The following RTBDN variants were observed in gnomAD, a reference collection of about 807,000 sequenced individuals.
RTBDN encodes the protein retbindin.
Under a neutral mutation model 21.9 loss-of-function variants are expected in RTBDN, and 24 were observed. The ratio of observed to expected loss-of-function variants is 1.10; its 90% CI spans 0.79 to 1.54. The LOEUF is 1.54. RTBDN is among the 40% of genes most tolerant of loss of function. The pLI, the probability that RTBDN is intolerant of heterozygous loss-of-function variation, is 0.00. For missense variants in RTBDN, 325 were observed against 315.2 expected, an observed-to-expected ratio of 1.03 and a Z score of -0.23; for synonymous variants, 141 against 125.9, an observed-to-expected ratio of 1.12 and a Z score of -0.80.
chr19:12,829,103 G>T, intron 2 of RTBDN, 150 bp from the exon 3 acceptor site: 1 of 1,262,526 alleles, frequency 7.9e-7, no homozygotes, highest in Non-Finnish European at 1.1e-6. Flanking sequence ...GAATGCAAAT[G>T]CAGCTTCAAG....
chr19:12,827,344 A>G (rs1287042537), intron 4 of RTBDN, among the ~76,000 whole-genome samples: 9 of 121,682 alleles, frequency 7.4e-5, no homozygotes, highest in African/African-American at 2.9e-4. Flanking sequence ...TTTTTTTGAG[A>G]TGGAGTCCTG....
intron 2 of RTBDN, 121 bp from the exon 3 acceptor site, chr19:12,829,074 A>G: frequency 6.8e-6 from 10 of 1,463,710 alleles, no homozygotes; most frequent in Non-Finnish European, 9.1e-6. Flanking sequence ...CAAACCCATA[A>G]CTTAAGACCC....
At chr19:12,826,673 G>A (rs779712725) in intron 5 of RTBDN, 102 bp downstream of exon 5, 14 of 917,444 alleles carry the variant, frequency 1.5e-5, no homozygotes, top group Non-Finnish European at 1.8e-5. Context: ...CAGCCTGGGT[G>A]ACAAGAATGA....
rs920743583 is a variant in RTBDN, at chr19:12,829,123, T to G, written c.170-170A>C. On this transcript the variant is annotated intron_variant, in intron 2 of 5. Transcript: ENST00000674343. ...CAAATGCAGCTTCAAGTAGTAATAA[T>G]CATTTCTTGTTTATAATAATCAACT... The G allele has an allele frequency of 3.7e-6, 4 of 1,082,702 alleles. No homozygotes were observed. In the African/African-American group the frequency reaches 4.8e-5, roughly 13 times the overall value. 67.1% of individuals were successfully genotyped at this position (1,082,702 alleles called of 1,614,324 possible). A position where few individuals can be genotyped will look rare whatever the true frequency, so the allele number is the denominator to read the frequency against.
At position 12,825,668 on chromosome 19, in the gene RTBDN, G is replaced by A. The variant is rs1348597520; in HGVS notation, c.*38C>T. The A allele has an allele frequency of 6.5e-7, 1 of 1,542,090 alleles. No individual in the cohort carries two copies. Among genetic ancestry groups the A allele is most frequent in the East Asian group, 2.5e-5 (1 of 40,810 alleles). Reference sequence around the variant, plus strand: ...TGGGTGTCCTGAGGGGCGGGGCTGGGGGAAGGGTCGCTCCCCCAACTCAGG... The same window carrying A: ...TGGGTGTCCTGAGGGGCGGGGCTGGAGGAAGGGTCGCTCCCCCAACTCAGG... On this transcript the variant is annotated 3_prime_UTR_variant, in exon 6 of 6. Coordinates refer to ENST00000674343, the MANE Select transcript of RTBDN (RefSeq NM_001270441.2).
intron 2 of RTBDN, 43 bp from the exon 3 acceptor site, chr19:12,828,996 G>A (rs1969444976): frequency 6.2e-7 from 1 of 1,612,228 alleles, no homozygotes; most frequent in Non-Finnish European, 8.5e-7. Flanking sequence ...TGGATATTCA[G>A]GTAAGGTTTG....
At position 12,834,513 on chromosome 19, in the gene RTBDN, T is replaced by A; in HGVS notation, c.-43A>T. 1 of 1,535,610 alleles carries A rather than the reference T, an allele frequency of 6.5e-7. No homozygotes were observed. Among genetic ancestry groups the A allele is most frequent in the Non-Finnish European group, 8.7e-7 (1 of 1,146,666 alleles). On this transcript the variant is annotated 5_prime_UTR_variant, in exon 1 of 6. Transcript: ENST00000674343. The surrounding 1 kb of genome is among the most constrained non-coding windows in gnomAD (Gnocchi z 4.7). ...CCTGCCTGGCCATCAGGATTCTTCC[T>A]ACTGCCCTAATTGGACAGGCACCTA... is the stretch of plus-strand genomic sequence containing the variant.
In RTBDN at chr19:12,826,384, T is replaced by C. The variant is rs746039366; in HGVS notation, c.462+391A>G. On this transcript the variant is annotated intron_variant, in intron 5 of 5. Coordinates refer to ENST00000674343, the MANE Select transcript of RTBDN (RefSeq NM_001270441.2). ...GAGTACCAATCCGGTCTCTGGGGTC[T>C]AGACACGGTAAGAAAGAACTTGGTG... is the stretch of plus-strand genomic sequence containing the variant. 7 of 1,274,310 alleles carry C rather than the reference T, an allele frequency of 5.5e-6. No homozygotes were observed. The South Asian group carries it at 9.3e-5, about 17-fold the overall frequency. 78.9% of individuals were successfully genotyped at this position (1,274,310 alleles called of 1,614,324 possible).
Position 12,834,504 on chromosome 19 carries a change from G to T in RTBDN, c.-34C>A. On this transcript the variant is annotated 5_prime_UTR_variant, in exon 1 of 6. Transcript: ENST00000674343. This position sits in a 1 kb window ranked among gnomAD's most constrained non-coding sequence, Gnocchi z 4.7. ...CCCCACGCACCTGCCTGGCCATCAGGATTCTTCCTACTGCCCTAATTGGAC... is the reference window on the plus strand; with the variant it reads ...CCCCACGCACCTGCCTGGCCATCAGTATTCTTCCTACTGCCCTAATTGGAC... 6.5e-7 allele frequency: 1 copy of T among 1,535,494 alleles called. No individual in the cohort carries two copies.
chr19:12,828,601 C>T, intron 4 of RTBDN, 56 bp downstream of exon 4: 2 of 1,387,150 alleles, frequency 1.4e-6, no homozygotes, highest in Non-Finnish European at 2.0e-6. Flanking sequence ...ACTGCAGGCT[C>T]CGCCCTCTTC....
At chr19:12,835,248 T>G, upstream of RTBDN, 1 of 744,666 alleles carries the variant, frequency 1.3e-6, no homozygotes, top group South Asian at 1.5e-5. Context: ...GGAAAACTAA[T>G]TTGCTTTCAG....
rs756128548 is a variant in RTBDN, at chr19:12,825,783, G to A, written c.613C>T (p.Arg205Cys). Residue 205 changes from arginine to cysteine, a missense_variant, in exon 6 of 6, where the codon CGT becomes TGT. Coordinates refer to ENST00000674343, the MANE Select transcript of RTBDN (RefSeq NM_001270441.2). ...GRRGREAPSR[R>C]SRSPRTSILD... ...ATGGAGGTGCGAGGGCTGCGGGAAC[G>A]CCGGGAGGGAGCTTCCCGGCCCCGT... 45 of 1,610,670 alleles carry A rather than the reference G, an allele frequency of 2.8e-5. No homozygotes were observed. The highest frequency in any genetic ancestry group is 3.5e-5 in the Non-Finnish European group (41 of 1,178,096).
At chr19:12,832,182 T>G (rs1969598877) in intron 1 of RTBDN, among the ~76,000 whole-genome samples, 1 of 152,216 alleles carries the variant, frequency 6.6e-6, no homozygotes. Context: ...TGTGTCTGTG[T>G]TTACTGAATA....
rs1969271125 is a variant in RTBDN at position 12,825,853 on chromosome 19, G to C, written c.543C>G (p.Cys181Trp). The C allele has an allele frequency of 1.9e-6, 3 of 1,613,536 alleles. No individual in the cohort carries two copies. The highest frequency in any genetic ancestry group is 2.5e-6 in the Non-Finnish European group (3 of 1,179,840). ...LPVAAPGARH[C>W]FNISISAVPR... Reference sequence around the variant, plus strand: ...GTACCGCGGAGATGGAGATGTTGAAGCAGTGACGGGCTCCAGGAGCAGCCA... The same window carrying C: ...GTACCGCGGAGATGGAGATGTTGAACCAGTGACGGGCTCCAGGAGCAGCCA... Residue 181 changes from cysteine (C) to tryptophan (W), a missense_variant, in exon 6 of 6, where the codon TGC (cysteine) becomes TGG (tryptophan). Cys to Trp is a radical substitution (Grantham distance 215). Transcript: ENST00000674343.
At chr19:12,829,675 A>G (rs1027858387) in intron 2 of RTBDN, 136 bp downstream of exon 2, 8 of 817,738 alleles carry the variant, frequency 9.8e-6, no homozygotes, top group Non-Finnish European at 1.5e-5. Flanking sequence ...CTTATCCACC[A>G]TTCTTCAGCA....
intron 1 of RTBDN, among the ~76,000 whole-genome samples, chr19:12,831,691 G>A (rs895669830): frequency 1.1e-4 from 17 of 152,186 alleles, no homozygotes; most frequent in African/African-American, 3.6e-4. Context: ...GTGCAACAGA[G>A]TGAAACTCTG....
At chr19:12,832,452 G>A (rs1315187078) in intron 1 of RTBDN, 1 of 152,218 alleles carries the variant, frequency 6.6e-6, no homozygotes, top group East Asian at 1.9e-4. Flanking sequence ...CAGGATGCTT[G>A]TGGGTCAGAT....
chr19:12,833,457 A>G (rs552832560), intron 1 of RTBDN, among the ~76,000 whole-genome samples: 33 of 151,926 alleles, frequency 2.2e-4, no homozygotes, highest in Admixed American at 4.6e-4. Context: ...GACCATATCT[A>G]TTAGGAATGA....
intron 2 of RTBDN, chr19:12,829,158 T>G: frequency 1.2e-6 from 1 of 864,438 alleles, no homozygotes; most frequent in South Asian, 1.9e-5. Flanking sequence ...TTACTTGTCA[T>G]GTGCCTGGTA....
Sources: gnomAD v4.1 joint callset for allele counts (sites outside exome capture counted in the v4.1 genomes callset) on GRCh38, gnomAD v4.1.1 for gene constraint, Gnocchi (gnomAD v3.1) non-coding constraint, MANE v1.5 for transcripts, NCBI Gene and HGNC (gene_info 2026-07-23, HGNC 2026-07-21) for gene names.